The following COL4A1 variants were observed in gnomAD, a reference collection of about 807,000 sequenced individuals.
COL4A1 encodes the protein collagen alpha-1(IV) chain.
Under a neutral mutation model 216.6 loss-of-function variants are expected in COL4A1, and 40 were observed. That is an observed-to-expected ratio of 0.18 (90% CI 0.14 to 0.24). The LOEUF is 0.24. COL4A1 is among the 10% of genes least tolerant of loss of function. The pLI is 1.00. For synonymous variants in COL4A1, 839 were observed against 810.7 expected, an observed-to-expected ratio of 1.03 and a Z score of -0.59; for missense variants, 1,628 against 2,196.8, an observed-to-expected ratio of 0.74 and a Z score of 5.18.
intron 2 of COL4A1, among the ~76,000 whole-genome samples, chr13:110,236,108 A>G (rs1166098096): frequency 6.6e-6 from 1 of 152,180 alleles, no homozygotes; most frequent in African/African-American, 2.4e-5. Context: ...CACTTTGACA[A>G]TTGTTACAAT....
intron 36 of COL4A1, 136 bp downstream of exon 36, chr13:110,176,288 G>A (rs1243048476): frequency 5.1e-5 from 37 of 722,038 alleles, no homozygotes; most frequent in Admixed American, 4.7e-4. Flanking sequence ...TTCAGAGCTG[G>A]GGATGTGAAT....
At position 110,150,435 on chromosome 13, in the gene COL4A1, C is replaced by T. The variant is rs751179885; in HGVS notation, c.4938G>A (p.Thr1646=). Residue 1646 remains threonine (T), a synonymous_variant, in exon 52 of 52, where the codon ACG becomes ACA. Transcript: ENST00000375820. ...GCTCCCCTGCCTTCAAGGTGGACGG[C>T]GTAGGCTTCCTAAAACACGACACAG... ...IERSEMFKKP[T]PSTLKAGELR... 6 of 1,613,846 alleles carry T rather than the reference C, an allele frequency of 3.7e-6. No individual in the cohort carries two copies. The highest frequency in any genetic ancestry group is 2.7e-5 in the African/African-American group (2 of 74,940).
Position 110,268,414 on chromosome 13 carries a change from C to T in COL4A1, c.85-25680G>A, listed in dbSNP as rs1463613915. On this transcript the variant is annotated intron_variant, in intron 1 of 51. Coordinates refer to ENST00000375820, the MANE Select transcript of COL4A1 (RefSeq NM_001845.6). The surrounding 1 kb of genome is among the most constrained non-coding windows in gnomAD (Gnocchi z 4.1). ...TATGCAGAAGCCGGCATGGCCAGCT[C>T]TCTGCTCTCTTTAGAGAGAAGGCAA... Among the ~76,000 whole-genome samples, 1 of 152,166 alleles carries T rather than the reference C, an allele frequency of 6.6e-6. No individual in the cohort carries two copies. The highest frequency in any genetic ancestry group is 2.4e-5 in the African/African-American group (1 of 41,444).
intron 22 of COL4A1, among the ~76,000 whole-genome samples, chr13:110,193,638 T>C (rs1051364536): frequency 2.6e-5 from 4 of 152,230 alleles, no homozygotes; most frequent in Non-Finnish European, 5.9e-5. Context: ...GGCGTGGCCA[T>C]GTTCTTCCCA....
chr13:110,216,796 A>G (rs922181993), intron 2 of COL4A1, among the ~76,000 whole-genome samples: 1 of 152,186 alleles, frequency 6.6e-6, no homozygotes, highest in Non-Finnish European at 1.5e-5. Context: ...AGCCCAAGGT[A>G]CCGACCCTTC....
intron 49 of COL4A1, among the ~76,000 whole-genome samples, chr13:110,157,299 G>A (rs1432261887): frequency 1.3e-5 from 2 of 152,244 alleles, no homozygotes; most frequent in East Asian, 3.8e-4. Context: ...CAGAAAGCTA[G>A]AAAGTACTTA....
chr13:110,276,976 G>A (rs1883455293), intron 1 of COL4A1, among the ~76,000 whole-genome samples: 1 of 152,204 alleles, frequency 6.6e-6, no homozygotes, highest in Admixed American at 6.5e-5. Context: ...TAAAAGCAGG[G>A]ACCCACTGGG....
chr13:110,302,194 C>T (rs1658063358), intron 1 of COL4A1, among the ~76,000 whole-genome samples: 1 of 152,152 alleles, frequency 6.6e-6, no homozygotes, highest in African/African-American at 2.4e-5. Flanking sequence ...AAGGCTAAAG[C>T]CTCATAGTCT....
chr13:110,286,118 C>T (rs1883835721), intron 1 of COL4A1, among the ~76,000 whole-genome samples: 1 of 152,108 alleles, frequency 6.6e-6, no homozygotes, highest in Non-Finnish European at 1.5e-5. Context: ...CGGGAATGCC[C>T]TAAGGAGAAA....
chr13:110,210,384 T>G (rs1424275398), intron 8 of COL4A1, among the ~76,000 whole-genome samples, 172 bp from the exon 9 acceptor site: 1 of 152,124 alleles, frequency 6.6e-6, no homozygotes, highest in Non-Finnish European at 1.5e-5. Context: ...CCATCATGAT[T>G]GCCGTCTTAA....
intron 8 of COL4A1, among the ~76,000 whole-genome samples, chr13:110,210,440 C>A (rs921026538): frequency 1.3e-5 from 2 of 152,060 alleles, no homozygotes; most frequent in African/African-American, 4.8e-5. Flanking sequence ...GCAGCCGGGA[C>A]TGAATGTAGA....
At position 110,229,867 on chromosome 13, in the gene COL4A1, T is replaced by C. The variant is rs1165799589; in HGVS notation, c.144+12808A>G. Among the ~76,000 whole-genome samples the C allele has an allele frequency of 2.0e-5, 3 of 152,338 alleles. No individual in the cohort carries two copies. The East Asian group carries it at 5.8e-4, about 29-fold the overall frequency. On this transcript the variant is annotated intron_variant, in intron 2 of 51. Transcript: ENST00000375820. ...GAAAAAGCCCTATGCCTCTGCCCTG[T>C]AAAATGTCAGTAATTTCCTTGGGCC...
rs748345625 is a variant in COL4A1 at position 110,183,253 on chromosome 13, T to C, written c.1921A>G (p.Ile641Val). Reference protein sequence around the residue: ...LPGPKGEPGKIVPLPGPPGAE... With the variant: ...LPGPKGEPGKVVPLPGPPGAE... ...CCAGGGGGGCCTGGTAAAGGAACAATTTTTCCTGGTTCACCCTTTGGACCT... is the reference window on the plus strand; with the variant it reads ...CCAGGGGGGCCTGGTAAAGGAACAACTTTTCCTGGTTCACCCTTTGGACCT... The change falls in exon 27 of 52, where the codon ATT (isoleucine) becomes GTT (valine). Residue 641 changes from isoleucine to valine, a missense_variant. Physicochemically the swap from Ile to Val is conservative, Grantham distance 29 (BLOSUM62 3). Transcript: ENST00000375820. The C allele has an allele frequency of 6.2e-7, 1 of 1,613,438 alleles. No homozygotes were observed. The highest frequency in any genetic ancestry group is 8.5e-7 in the Non-Finnish European group (1 of 1,179,938).
At chr13:110,249,382 T>TC (rs1881978594) in intron 1 of COL4A1, among the ~76,000 whole-genome samples, 1 of 152,060 alleles carries the variant, frequency 6.6e-6, no homozygotes, top group African/African-American at 2.4e-5. Context: ...AGCAGCACTA[T>TC]CCACAATCGC....
chr13:110,278,431 T>C (rs530786203), intron 1 of COL4A1, among the ~76,000 whole-genome samples: 41 of 152,334 alleles, frequency 2.7e-4, no homozygotes, highest in East Asian at 1.5e-3. Context: ...TTTGAAAGCA[T>C]TGCATTTCAT....
intron 1 of COL4A1, among the ~76,000 whole-genome samples, chr13:110,299,176 G>T (rs997720644): frequency 2.0e-5 from 3 of 152,216 alleles, no homozygotes; most frequent in African/African-American, 7.2e-5. Context: ...GCAAACTAAC[G>T]TCCCGACACT....
At chr13:110,218,694 A>T (rs1880219924) in intron 2 of COL4A1, among the ~76,000 whole-genome samples, 1 of 152,202 alleles carries the variant, frequency 6.6e-6, no homozygotes, top group East Asian at 1.9e-4. Flanking sequence ...TCGCCTTTGC[A>T]GTCCAAGCAT....
chr13:110,259,671 T>G (rs1882736768), intron 1 of COL4A1, among the ~76,000 whole-genome samples: 1 of 152,242 alleles, frequency 6.6e-6, no homozygotes, highest in South Asian at 2.1e-4. Context: ...ACTAAAAGTG[T>G]ATTTTTAAGA....
chr13:110,278,253 C>A (rs1279073639), intron 1 of COL4A1, among the ~76,000 whole-genome samples: 2 of 152,158 alleles, frequency 1.3e-5, no homozygotes, highest in African/African-American at 4.8e-5. Context: ...CTTTCCAATG[C>A]TATTTTGCAC....
Sources: gnomAD v4.1 joint callset for allele counts (sites outside exome capture counted in the v4.1 genomes callset) on GRCh38, gnomAD v4.1.1 for gene constraint, Gnocchi (gnomAD v3.1) non-coding constraint, MANE v1.5 for transcripts, NCBI Gene and HGNC (gene_info 2026-07-23, HGNC 2026-07-21) for gene names.